The following ARHGEF3 variants were observed in gnomAD, a reference collection of about 807,000 sequenced individuals.
ARHGEF3 encodes the protein 59.8 kDA protein.
A neutral mutation model predicts 63.2 loss-of-function variants in ARHGEF3; 28 were observed. The ratio of observed to expected loss-of-function variants is 0.44; its 90% CI spans 0.33 to 0.61. The LOEUF (loss-of-function observed/expected upper bound fraction) is 0.61, where lower values mean the gene tolerates loss of function less well. ARHGEF3 is among the 20% of genes least tolerant of loss of function. The pLI is 0.03. For missense variants in ARHGEF3, 533 were observed against 659.3 expected (o/e 0.81, Z 2.10); for synonymous variants, 266 against 254.2 (o/e 1.05, Z -0.44).
Position 56,728,993 on chromosome 3 carries a change from C to A in ARHGEF3, c.*277G>T. 1 of 331,228 alleles carries A rather than the reference C, an allele frequency of 3.0e-6. No homozygotes were observed. Among genetic ancestry groups the A allele is most frequent in the Non-Finnish European group, 5.5e-6 (1 of 182,528 alleles). The allele number at this position is 331,228 out of a possible 1,614,324, so 20.5% of individuals were successfully genotyped here. A position where few individuals can be genotyped will look rare whatever the true frequency, so the allele number is the denominator to read the frequency against. On this transcript the variant is annotated 3_prime_UTR_variant, in exon 10 of 10. Transcript: ENST00000296315. ...ATTCTTTTTCTATTTTTTTAAAATC[C>A]AGCAGGACAACTGAAAGTAACTTGT...
intron 2 of ARHGEF3, among the ~76,000 whole-genome samples, chr3:56,768,056 A>G (rs2035806335): frequency 6.6e-6 from 1 of 150,430 alleles, no homozygotes; most frequent in Non-Finnish European, 1.5e-5. Flanking sequence ...CCCCAGCCTC[A>G]ATATATATAT....
chr3:56,883,842 T>G, intron 3 of ARHGEF3, among the ~76,000 whole-genome samples: 1 of 152,128 alleles, frequency 6.6e-6, no homozygotes, highest in Admixed American at 6.5e-5. Flanking sequence ...CCAAAAGAAG[T>G]CAGCCTCCTC....
At chr3:57,016,168 G>A (rs1036165038) in intron 2 of ARHGEF3, among the ~76,000 whole-genome samples, 5 of 152,208 alleles carry the variant, frequency 3.3e-5, no homozygotes, top group African/African-American at 7.2e-5. Flanking sequence ...TATGTATTTC[G>A]TGATACAGAG....
At chr3:56,856,705 TTTG>T (rs1559996479) in intron 4 of ARHGEF3, among the ~76,000 whole-genome samples, 3 of 109,004 alleles carry the variant, frequency 2.8e-5, no homozygotes, top group Non-Finnish European at 6.6e-5. Context: ...TGAGAGGTTT[TTTG>T]TTTTTTTTTT....
intron 4 of ARHGEF3, among the ~76,000 whole-genome samples, chr3:56,846,467 TA>T (rs556377286): frequency 6.6e-6 from 1 of 152,098 alleles, no homozygotes; most frequent in East Asian, 1.9e-4. Flanking sequence ...GACTGGGTGA[TA>T]AAAAAACTTT....
At chr3:56,915,067 C>A (rs1181499491) in intron 3 of ARHGEF3, among the ~76,000 whole-genome samples, 1 of 151,968 alleles carries the variant, frequency 6.6e-6, no homozygotes, top group Non-Finnish European at 1.5e-5. Flanking sequence ...AATGGTCATA[C>A]ACAAGAGCTG....
At chr3:56,878,446 G>A (rs2040662651) in intron 4 of ARHGEF3, among the ~76,000 whole-genome samples, 1 of 152,096 alleles carries the variant, frequency 6.6e-6, no homozygotes, top group Non-Finnish European at 1.5e-5. Flanking sequence ...GAGGCGGTGG[G>A]AAAAAATAGT....
chr3:57,068,256 A>G (rs114575978), intron 1 of ARHGEF3, among the ~76,000 whole-genome samples: 1 of 152,298 alleles, frequency 6.6e-6, no homozygotes, highest in Non-Finnish European at 1.5e-5. Context: ...AGAAGCCACC[A>G]TACTCCACCA....
intron 2 of ARHGEF3, among the ~76,000 whole-genome samples, chr3:56,974,960 C>T (rs971716681): frequency 2.6e-5 from 4 of 152,152 alleles, no homozygotes; most frequent in African/African-American, 4.8e-5. Flanking sequence ...AGGGCCCCTC[C>T]TCCTTGTTTG....
At chr3:57,072,726 CAAAAA>C (rs11332171) in intron 1 of ARHGEF3, among the ~76,000 whole-genome samples, 2 of 112,168 alleles carry the variant, frequency 1.8e-5, no homozygotes, top group African/African-American at 3.6e-5. Flanking sequence ...GAGACTCTGT[CAAAAA>C]AAAAAAAAAA....
At chr3:57,027,879 A>G (rs1396130439) in intron 2 of ARHGEF3, among the ~76,000 whole-genome samples, 1 of 152,138 alleles carries the variant, frequency 6.6e-6, no homozygotes, top group Non-Finnish European at 1.5e-5. Context: ...TCAAAGGTAC[A>G]GGTTTAAGCC....
intron 4 of ARHGEF3, among the ~76,000 whole-genome samples, chr3:56,807,960 C>A (rs1410416895): frequency 6.6e-6 from 1 of 151,890 alleles, no homozygotes; most frequent in Non-Finnish European, 1.5e-5. Context: ...CCCGTCTCTA[C>A]TAAAAATACG....
At chr3:56,734,248 A>G (rs1192457951) in intron 8 of ARHGEF3, among the ~76,000 whole-genome samples, 2 of 152,172 alleles carry the variant, frequency 1.3e-5, no homozygotes, top group Admixed American at 6.5e-5. Flanking sequence ...AAGTGAAAAT[A>G]TCCACAACTT....
intron 3 of ARHGEF3, among the ~76,000 whole-genome samples, chr3:56,893,298 C>A (rs953235713): frequency 1.4e-4 from 22 of 152,302 alleles, no homozygotes; most frequent in Non-Finnish European, 2.6e-4. Context: ...CCACCTTAGC[C>A]TCCCAAGTAG....
chr3:56,907,324 C>T (rs553740613), intron 3 of ARHGEF3, among the ~76,000 whole-genome samples: 66 of 152,260 alleles, frequency 4.3e-4, no homozygotes, highest in Middle Eastern at 3.4e-3. Flanking sequence ...GAGGGCACAA[C>T]GCTATGGAGG....
At chr3:56,730,447 C>T (rs78634316) in intron 9 of ARHGEF3, among the ~76,000 whole-genome samples, 1,645 of 150,554 alleles carry the variant, frequency 0.011, 62 homozygotes, top group East Asian at 0.094. Context: ...ACACAATCTC[C>T]GCTCACTGCA....
intron 4 of ARHGEF3, among the ~76,000 whole-genome samples, chr3:56,819,528 T>A (rs2038393370): frequency 6.6e-6 from 1 of 151,200 alleles, no homozygotes; most frequent in Non-Finnish European, 1.5e-5. Flanking sequence ...TTTTTTTTTT[T>A]AAAGACAGAG....
At chr3:56,767,353 C>A (rs1274053119) in intron 2 of ARHGEF3, among the ~76,000 whole-genome samples, 1 of 151,750 alleles carries the variant, frequency 6.6e-6, no homozygotes, top group Non-Finnish European at 1.5e-5. Flanking sequence ...GAGGCTGAGG[C>A]GGGCAGATCA....
chr3:56,802,045 G>A (rs1269867569), upstream of ARHGEF3: 3 of 1,358,600 alleles, frequency 2.2e-6, no homozygotes, highest in African/African-American at 3.1e-5. Flanking sequence ...ACGCTGCCGG[G>A]AGGGCCCACG....
Sources: allele counts gnomAD v4.1 joint callset (sites outside exome capture counted in the v4.1 genomes callset), GRCh38; gene constraint gnomAD v4.1.1; transcripts MANE v1.5; gene names NCBI Gene and HGNC (gene_info 2026-07-23, HGNC 2026-07-21).